Variants in SLC11A2 observed in about 807,000 individuals in gnomAD.
SLC11A2 encodes the protein natural resistance-associated macrophage protein 2.
In SLC11A2, 38 loss-of-function variants were observed where a neutral mutation model predicts 68.0. That is an observed-to-expected ratio of 0.56 (90% CI 0.43 to 0.73). The LOEUF is 0.73. SLC11A2 is among the 30% of genes least tolerant of loss of function. The pLI, the probability that SLC11A2 is intolerant of heterozygous loss-of-function variation, is 0.00. For missense variants in SLC11A2, 517 were observed against 690.5 expected (o/e 0.75, Z 2.82); for synonymous variants, 242 against 250.6 (o/e 0.97, Z 0.32).
chr12:51,002,813 G>A lies in SLC11A2; in HGVS notation c.429+1975C>T, dbSNP rs559679722. ...AAATTGGCCAGGCGTGGTGATGCAC[G>A]CCTGTAGTCCCAGCTACTCAGGAGG... On this transcript the variant is annotated intron_variant, in intron 5 of 15. Transcript: ENST00000262052. Among the ~76,000 whole-genome samples the A allele has an allele frequency of 4.6e-5, 7 of 150,892 alleles. No homozygotes were observed. In the South Asian group the frequency reaches 1.3e-3, roughly 27 times the overall value.
At chr12:51,004,999 T>C in intron 4 of SLC11A2, 92 bp from the exon 5 acceptor site, 1 of 1,448,530 alleles carries the variant, frequency 6.9e-7, no homozygotes, top group Non-Finnish European at 9.5e-7. Context: ...GAGTGGTAAA[T>C]ACTGCATTCA....
intron 4 of SLC11A2, 84 bp downstream of exon 4, chr12:51,005,227 C>A (rs1004403689): frequency 1.4e-6 from 2 of 1,447,924 alleles, no homozygotes; most frequent in East Asian, 2.3e-5. Flanking sequence ...GCCCCTGAGG[C>A]TACTATCCAA....
the SLC11A2 span, among the ~76,000 whole-genome samples, chr12:50,958,215 T>C: frequency 6.6e-6 from 1 of 151,784 alleles, no homozygotes; most frequent in Admixed American, 6.6e-5. Context: ...AGGTTTTTGG[T>C]AGACATAGAC....
chr12:51,026,273 C>A, intron 1 of SLC11A2, 37 bp downstream of exon 1: 1 of 1,209,850 alleles, frequency 8.3e-7, no homozygotes, highest in Non-Finnish European at 1.1e-6. Context: ...TGCCAGCGAG[C>A]GGAATGCCGT....
chr12:50,970,478 C>A, the SLC11A2 span: 1 of 1,533,814 alleles, frequency 6.5e-7, no homozygotes, highest in Non-Finnish European at 8.8e-7. Flanking sequence ...TACATTAGAC[C>A]ACGATTCTTC....
intron 5 of SLC11A2, among the ~76,000 whole-genome samples, chr12:51,002,902 T>G (rs918183056): frequency 4.0e-5 from 6 of 149,804 alleles, no homozygotes; most frequent in African/African-American, 1.5e-4. Flanking sequence ...ATCACGCCAC[T>G]GTACTCCAGG....
At chr12:51,010,544 C>G in intron 2 of SLC11A2, 151 bp downstream of exon 2, 1 of 484,976 alleles carries the variant, frequency 2.1e-6, no homozygotes, top group South Asian at 2.6e-5. Flanking sequence ...TTTTCATTTA[C>G]AGCCTAAGTC....
intron 1 of SLC11A2, among the ~76,000 whole-genome samples, chr12:51,021,876 A>T (rs1267811772): frequency 6.6e-6 from 1 of 152,172 alleles, no homozygotes; most frequent in Non-Finnish European, 1.5e-5. Context: ...AAACGATAAC[A>T]GTTGGGAGAA....
the SLC11A2 span, chr12:50,970,541 T>G: frequency 1.6e-6 from 2 of 1,265,278 alleles, no homozygotes; most frequent in Non-Finnish European, 2.2e-6. Context: ...GACAAGAAGC[T>G]TCTGAAAACT....
the SLC11A2 span, among the ~76,000 whole-genome samples, chr12:50,952,469 G>A: frequency 1.1e-4 from 16 of 152,032 alleles, no homozygotes; most frequent in Admixed American, 7.9e-4. Context: ...GGAGGGAGGC[G>A]GTGAGCAAGG....
upstream of SLC11A2, chr12:51,028,066 C>T (rs1197443615): frequency 2.4e-5 from 14 of 581,806 alleles, no homozygotes; most frequent in Non-Finnish European, 4.1e-5. Context: ...TCCTCCAGAT[C>T]GGAACCTTTC....
At chr12:50,961,837 T>A in the SLC11A2 span, among the ~76,000 whole-genome samples, 1 of 152,164 alleles carries the variant, frequency 6.6e-6, no homozygotes, top group Non-Finnish European at 1.5e-5. Context: ...ATGATGGGCA[T>A]GGGGCTTGCA....
At chr12:51,008,305 G>GTGTGTT (rs1942925309) in intron 3 of SLC11A2, 171 bp downstream of exon 3, 2 of 549,364 alleles carry the variant, frequency 3.6e-6, no homozygotes, top group African/African-American at 4.0e-5. Flanking sequence ...TAGATGGGGT[G>GTGTGTT]TGTGTGTGTG....
chr12:51,013,141 C>G (rs1323993583), intron 1 of SLC11A2, among the ~76,000 whole-genome samples: 1 of 152,148 alleles, frequency 6.6e-6, no homozygotes, highest in Non-Finnish European at 1.5e-5. Context: ...TCAAAAAACT[C>G]AAGTACATCA....
At chr12:51,017,864 C>T (rs1204092282) in intron 1 of SLC11A2, among the ~76,000 whole-genome samples, 2 of 152,110 alleles carry the variant, frequency 1.3e-5, no homozygotes, top group African/African-American at 4.8e-5. Context: ...GTGGCTTCTC[C>T]GTGTTCCCTC....
chr12:50,984,602 T>C (rs895073458), downstream of SLC11A2, among the ~76,000 whole-genome samples: 1 of 152,186 alleles, frequency 6.6e-6, no homozygotes, highest in African/African-American at 2.4e-5. Flanking sequence ...CTAAATGGCC[T>C]GGAAATAGGC....
chr12:50,956,494 G>C, the SLC11A2 span, among the ~76,000 whole-genome samples: 6 of 152,314 alleles, frequency 3.9e-5, no homozygotes, highest in African/African-American at 1.2e-4. Context: ...AGGGTCCTAT[G>C]CAGGTAACTT....
the SLC11A2 span, among the ~76,000 whole-genome samples, chr12:50,961,769 T>G: frequency 2.0e-5 from 3 of 152,154 alleles, no homozygotes; most frequent in African/African-American, 7.2e-5. Context: ...ACAATACTCT[T>G]AAGTCCCCTT....
the SLC11A2 span, among the ~76,000 whole-genome samples, chr12:50,972,638 G>T: frequency 1.3e-5 from 2 of 152,214 alleles, no homozygotes; most frequent in East Asian, 3.8e-4. Flanking sequence ...TTGTCAGACA[G>T]TGGGTGCAGG....
Sources: gnomAD v4.1 joint callset for allele counts (sites outside exome capture counted in the v4.1 genomes callset) on GRCh38, gnomAD v4.1.1 for gene constraint, MANE v1.5 for transcripts, NCBI Gene and HGNC (gene_info 2026-07-23, HGNC 2026-07-21) for gene names.